Variants in RTTN observed in about 807,000 individuals in gnomAD.
RTTN encodes the protein rotatin.
A neutral mutation model predicts 269.2 loss-of-function variants in RTTN; 182 were observed. The ratio of observed to expected loss-of-function variants is 0.68; its 90% CI spans 0.60 to 0.76. The LOEUF (loss-of-function observed/expected upper bound fraction) is 0.76. RTTN is among the 30% of genes least tolerant of loss of function. The probability of loss-of-function intolerance (pLI) is 0.00; values close to 1 mark genes in which losing one functional copy is unlikely to be tolerated. For missense variants in RTTN, 2,545 were observed against 2,608.6 expected (o/e 0.98, Z 0.53); for synonymous variants, 1,006 against 963.5 (o/e 1.04, Z -0.82).
At chr18:70,187,656 T>C (rs949120563) in intron 10 of RTTN, among the ~76,000 whole-genome samples, 2 of 152,200 alleles carry the variant, frequency 1.3e-5, no homozygotes, top group East Asian at 1.9e-4. Flanking sequence ...GAATTGTTCA[T>C]AGCAATGTTA....
At chr18:70,012,244 T>G (rs1047584814) in intron 46 of RTTN, among the ~76,000 whole-genome samples, 1 of 131,840 alleles carries the variant, frequency 7.6e-6, no homozygotes, top group Non-Finnish European at 1.6e-5. Context: ...TACAGCACAG[T>G]GTCTGTTCAC....
At position 70,121,691 on chromosome 18, in the gene RTTN, C is replaced by CTATAATGAAAAGACAATAA. The variant is rs2145564831; in HGVS notation, c.3392_3393insTTATTGTCTTTTCATTATA (p.Gln1131HisfsTer14). The CTATAATGAAAAGACAATAA allele has an allele frequency of 6.5e-7, 1 of 1,546,976 alleles. No homozygotes were observed. Among genetic ancestry groups the CTATAATGAAAAGACAATAA allele is most frequent in the South Asian group, 1.2e-5 (1 of 80,898 alleles). The stretch of plus-strand genomic sequence containing the variant: ...CATCTTCAGTGCAAGCAGGAAGCAC[C>CTATAATGAAAAGACAATAA]TGTAAAAACCTATAATGAAAAGACA... On this transcript the variant is annotated frameshift_variant, in exon 26 of 49. Coordinates refer to ENST00000640769, the MANE Select transcript of RTTN (RefSeq NM_173630.4). LOFTEE classifies it high-confidence loss of function.
chr18:70,020,608 T>G lies in RTTN; in HGVS notation c.6153+7A>C. On this transcript the variant is annotated splice_region_variant and intron_variant, in intron 45 of 48. Transcript: ENST00000640769. ...TTTTAAGATATGTGGGGAGTTTAAGTGCGTACCTTCTGAATTACTCCTTTA... is the reference window on the plus strand; with the variant it reads ...TTTTAAGATATGTGGGGAGTTTAAGGGCGTACCTTCTGAATTACTCCTTTA... 3 of 1,610,876 alleles carry G rather than the reference T, an allele frequency of 1.9e-6. No individual in the cohort carries two copies. Among genetic ancestry groups the G allele is most frequent in the Non-Finnish European group, 2.5e-6 (3 of 1,177,440 alleles).
At chr18:70,109,380 TTA>T in intron 28 of RTTN, 116 bp downstream of exon 28, 1 of 691,900 alleles carries the variant, frequency 1.4e-6, no homozygotes, top group Non-Finnish European at 2.4e-6. Flanking sequence ...CTATTATGAC[TTA>T]TATAAATAAT....
chr18:70,061,038 G>A (rs2057969202), intron 35 of RTTN, among the ~76,000 whole-genome samples: 1 of 151,772 alleles, frequency 6.6e-6, no homozygotes, highest in Non-Finnish European at 1.5e-5. Flanking sequence ...TGGCTATCAC[G>A]AATGGCGTTG....
At chr18:70,137,253 T>A (rs554245329) in intron 21 of RTTN, among the ~76,000 whole-genome samples, 1 of 152,194 alleles carries the variant, frequency 6.6e-6, no homozygotes, top group Non-Finnish European at 1.5e-5. Flanking sequence ...AATAACCCAA[T>A]AACCATTTTT....
intron 26 of RTTN, among the ~76,000 whole-genome samples, chr18:70,119,111 G>C (rs1329262282): frequency 6.6e-6 from 1 of 151,890 alleles, no homozygotes; most frequent in East Asian, 1.9e-4. Flanking sequence ...GAAATAAAAG[G>C]CATCCACATT....
intron 25 of RTTN, 106 bp downstream of exon 25, chr18:70,127,396 G>T: frequency 7.9e-7 from 1 of 1,270,494 alleles, no homozygotes; most frequent in South Asian, 2.2e-5. Context: ...TTCTTTCTAT[G>T]ATAGCAGCAG....
intron 40 of RTTN, chr18:70,031,239 C>A: frequency 1.9e-6 from 1 of 526,766 alleles, no homozygotes; most frequent in South Asian, 3.2e-5. Flanking sequence ...ATTTAGCTTT[C>A]ACGTAGCAAG....
At chr18:70,183,957 A>C (rs2061475520) in intron 10 of RTTN, among the ~76,000 whole-genome samples, 1 of 152,056 alleles carries the variant, frequency 6.6e-6, no homozygotes, top group Non-Finnish European at 1.5e-5. Flanking sequence ...TTGAAGAGAC[A>C]AGATCTTACT....
At chr18:70,031,782 T>TGGCACAG in intron 40 of RTTN, among the ~76,000 whole-genome samples, 1 of 151,150 alleles carries the variant, frequency 6.6e-6, no homozygotes, top group South Asian at 2.1e-4. Flanking sequence ...CTAGCAGATC[T>TGGCACAG]TCAGAGGGAG....
intron 26 of RTTN, among the ~76,000 whole-genome samples, chr18:70,115,022 T>A (rs1342261719): frequency 6.6e-6 from 1 of 152,032 alleles, no homozygotes; most frequent in East Asian, 1.9e-4. Context: ...TGCAAAAACA[T>A]TAGTTTAATA....
intron 40 of RTTN, among the ~76,000 whole-genome samples, chr18:70,034,698 A>C (rs1344330070): frequency 6.6e-6 from 1 of 152,208 alleles, no homozygotes; most frequent in Non-Finnish European, 1.5e-5. Flanking sequence ...TGGCCAGGGC[A>C]ATCAGGCAAG....
intron 40 of RTTN, among the ~76,000 whole-genome samples, chr18:70,036,329 T>C (rs1468504125): frequency 6.6e-6 from 1 of 151,922 alleles, no homozygotes; most frequent in African/African-American, 2.4e-5. Context: ...ATAAAGAAAA[T>C]GTGGCACATA....
chr18:70,024,454 C>T (rs2056794421), intron 44 of RTTN, among the ~76,000 whole-genome samples: 1 of 152,152 alleles, frequency 6.6e-6, no homozygotes, highest in Non-Finnish European at 1.5e-5. Context: ...AATTTTCCTA[C>T]TAAACTCAAT....
At chr18:70,077,596 T>C (rs984339298) in intron 32 of RTTN, among the ~76,000 whole-genome samples, 1 of 151,990 alleles carries the variant, frequency 6.6e-6, no homozygotes, top group Non-Finnish European at 1.5e-5. Flanking sequence ...TCTCTAAATA[T>C]GTAAAATTGT....
intron 44 of RTTN, among the ~76,000 whole-genome samples, chr18:70,021,914 T>C (rs757081857): frequency 5.9e-5 from 9 of 152,194 alleles, no homozygotes; most frequent in Non-Finnish European, 1.2e-4. Context: ...GTCCCTTCTC[T>C]GTATAACCTT....
Position 70,197,744 on chromosome 18 carries a change from A to C in RTTN, c.579-6T>G. On this transcript the variant is annotated splice_polypyrimidine_tract_variant and splice_region_variant and intron_variant, in intron 5 of 48. Coordinates refer to ENST00000640769, the MANE Select transcript of RTTN (RefSeq NM_173630.4). ...GGTTACTACTTCTTAAAGAGCTACA[A>C]AACATAGCGTTAATCATTTTTAAGA... The C allele has an allele frequency of 6.6e-7, 1 of 1,514,598 alleles. No homozygotes were observed. The highest frequency in any genetic ancestry group is 9.2e-7 in the Non-Finnish European group (1 of 1,089,304). The allele number at this position is 1,514,598 out of a possible 1,614,324, so 93.8% of individuals were successfully genotyped here.
chr18:70,030,775 C>A, intron 41 of RTTN, 101 bp downstream of exon 41: 5 of 834,654 alleles, frequency 6.0e-6, no homozygotes. Flanking sequence ...TTATACTATA[C>A]GTTTTTTACA....
Sources: allele counts gnomAD v4.1 joint callset (sites outside exome capture counted in the v4.1 genomes callset), GRCh38; gene constraint gnomAD v4.1.1; transcripts MANE v1.5; gene names NCBI Gene and HGNC (gene_info 2026-07-23, HGNC 2026-07-21).